The following INVS variants were observed in gnomAD, a reference collection of about 807,000 sequenced individuals.
INVS encodes the protein inversion of embryo turning homolog.
Under a neutral mutation model 108.8 loss-of-function variants are expected in INVS, and 86 were observed. That is an observed-to-expected ratio of 0.79 (90% CI 0.66 to 0.95). The LOEUF is 0.95. Among genes scored for constraint, INVS ranks in the 40% least tolerant of loss-of-function variants. INVS has a pLI of 0.00. For synonymous variants in INVS, 455 were observed against 473.5 expected (o/e 0.96, Z 0.51); for missense variants, 1,169 against 1,297.4 (o/e 0.90, Z 1.52).
chr9:100,285,787 A>C (rs912895247), intron 13 of INVS, among the ~76,000 whole-genome samples: 5 of 152,306 alleles, frequency 3.3e-5, no homozygotes, highest in African/African-American at 1.2e-4. Context: ...AGTCACATAG[A>C]TACCCTCTGC....
intron 2 of INVS, among the ~76,000 whole-genome samples, chr9:100,113,513 C>A (rs1219992688): frequency 6.6e-6 from 1 of 152,166 alleles, no homozygotes; most frequent in Non-Finnish European, 1.5e-5. Context: ...AAAACAGTAG[C>A]TTAGTTTCAT....
intron 12 of INVS, among the ~76,000 whole-genome samples, chr9:100,274,823 A>G (rs1340585111): frequency 1.3e-5 from 2 of 152,166 alleles, no homozygotes; most frequent in Non-Finnish European, 2.9e-5. Context: ...TTCTTGAAAG[A>G]TAACTTCCTG....
chr9:100,242,647 C>T lies in INVS; in HGVS notation c.874C>T (p.Pro292Ser), dbSNP rs963213775. 6.2e-7 allele frequency: 1 copy of T among 1,609,444 alleles called. No individual in the cohort carries two copies. The highest frequency in any genetic ancestry group is 8.5e-7 in the Non-Finnish European group (1 of 1,175,866). Residue 292 changes from proline (P) to serine (S), a missense_variant, in exon 7 of 17, where the codon CCT becomes TCT. Physicochemically the swap from Pro to Ser is moderately conservative, Grantham distance 74. Coordinates refer to ENST00000262457, the MANE Select transcript of INVS (RefSeq NM_014425.5). ...TIPSDSQGATPLHYAAQSNFA... is the reference protein window; with the variant it reads ...TIPSDSQGATSLHYAAQSNFA... ...CCCATCTGACAGCCAAGGAGCCACA[C>T]CTTTGCACTATGCTGCTCAGAGTAA...
chr9:100,279,529 G>A (rs1332976823), intron 12 of INVS, among the ~76,000 whole-genome samples: 1 of 152,086 alleles, frequency 6.6e-6, no homozygotes, highest in Non-Finnish European at 1.5e-5. Flanking sequence ...ATTCAATAAC[G>A]CTCTTCCTAT....
rs780090630 is a variant in INVS, at chr9:100,154,331, A to ATTTTTTTTTTTTTTTTT, written c.273+27794_273+27810dup. Among the ~76,000 whole-genome samples the ATTTTTTTTTTTTTTTTT allele has an allele frequency of 4.5e-3, 311 of 68,560 alleles. 16 individuals are homozygous for ATTTTTTTTTTTTTTTTT. Among genetic ancestry groups the ATTTTTTTTTTTTTTTTT allele is most frequent in the Middle Eastern group, 0.017 (2 of 120 alleles). 45.0% of individuals were successfully genotyped at this position (68,560 alleles called of 152,430 possible). ...AGGTGTGTGCCACCACAACCGACTAATTTTTTTTTTTTTTTTTTTTTTTTT... is the reference window on the plus strand; with the variant it reads ...AGGTGTGTGCCACCACAACCGACTAATTTTTTTTTTTTTTTTTTTTTTTTTTTTTTTTTTTTTTTTTT... On this transcript the variant is annotated intron_variant, in intron 3 of 16. Transcript: ENST00000262457.
chr9:100,252,966 C>G lies in INVS; in HGVS notation c.1294C>G (p.Leu432Val). 1 of 1,613,876 alleles carries G rather than the reference C, an allele frequency of 6.2e-7. No individual in the cohort carries two copies. Among genetic ancestry groups the G allele is most frequent in the Non-Finnish European group, 8.5e-7 (1 of 1,179,872 alleles). ...DGHSLLHWAA[L>V]GGNADVCQIL... ...ACATTCTCTTCTACATTGGGCAGCACTGGGAGGAAATGCTGATGTTTGCCA... is the reference window on the plus strand; with the variant it reads ...ACATTCTCTTCTACATTGGGCAGCAGTGGGAGGAAATGCTGATGTTTGCCA... The change falls in exon 10 of 17, where the codon CTG becomes GTG. Residue 432 changes from leucine to valine, a missense_variant. Coordinates refer to ENST00000262457, the MANE Select transcript of INVS (RefSeq NM_014425.5).
At chr9:100,139,754 T>A (rs748357207) in intron 3 of INVS, among the ~76,000 whole-genome samples, 2 of 152,186 alleles carry the variant, frequency 1.3e-5, no homozygotes, top group Non-Finnish European at 2.9e-5. Context: ...GTGATCCTCC[T>A]GCCTCAGCCC....
At chr9:100,128,925 C>T (rs1258987094) in intron 3 of INVS, among the ~76,000 whole-genome samples, 1 of 152,136 alleles carries the variant, frequency 6.6e-6, no homozygotes, top group Non-Finnish European at 1.5e-5. Context: ...TGGCTCACAC[C>T]TGTAATTTTA....
At chr9:100,148,735 T>A (rs191387407) in intron 3 of INVS, among the ~76,000 whole-genome samples, 1 of 152,230 alleles carries the variant, frequency 6.6e-6, no homozygotes, top group Non-Finnish European at 1.5e-5. Flanking sequence ...ATGAAGAATA[T>A]ATATTGTAAA....
intron 3 of INVS, among the ~76,000 whole-genome samples, chr9:100,162,217 A>T (rs1357729198): frequency 6.6e-6 from 1 of 152,204 alleles, no homozygotes; most frequent in Non-Finnish European, 1.5e-5. Context: ...CTCTATAGTC[A>T]TTTGGGTCCA....
chr9:100,232,393 T>C (rs1485474885), intron 5 of INVS, among the ~76,000 whole-genome samples: 2 of 152,194 alleles, frequency 1.3e-5, no homozygotes, highest in Admixed American at 6.5e-5. Context: ...TTTGTTGCCA[T>C]TGCTTTTGGT....
chr9:100,233,165 CTT>C (rs1380853729), intron 5 of INVS, among the ~76,000 whole-genome samples: 1 of 152,086 alleles, frequency 6.6e-6, no homozygotes, highest in Non-Finnish European at 1.5e-5. Context: ...ATGATTTGCT[CTT>C]TGTTTTTCTG....
At chr9:100,255,875 CTTTTTT>C (rs1223760908) in intron 10 of INVS, among the ~76,000 whole-genome samples, 1 of 152,098 alleles carries the variant, frequency 6.6e-6, no homozygotes, top group African/African-American at 2.4e-5. Flanking sequence ...CTAAAATTCT[CTTTTTT>C]TGTTGTGTCT....
chr9:100,281,204 G>A (rs1179753954), intron 12 of INVS, among the ~76,000 whole-genome samples: 2 of 152,196 alleles, frequency 1.3e-5, no homozygotes, highest in Non-Finnish European at 2.9e-5. Context: ...TAAAGCAGCT[G>A]CGTTCTATCT....
chr9:100,239,610 C>T (rs779587711), intron 5 of INVS, among the ~76,000 whole-genome samples: 5 of 152,030 alleles, frequency 3.3e-5, no homozygotes, highest in Non-Finnish European at 7.4e-5. Context: ...AGACTTTGTA[C>T]CTTTTCCATG....
At chr9:100,148,376 T>G (rs1828695604) in intron 3 of INVS, among the ~76,000 whole-genome samples, 1 of 152,124 alleles carries the variant, frequency 6.6e-6, no homozygotes, top group Non-Finnish European at 1.5e-5. Flanking sequence ...ATGCAAAAAT[T>G]TTAAGGTAAA....
At chr9:100,224,733 A>G (rs552834267) in intron 3 of INVS, among the ~76,000 whole-genome samples, 1 of 151,888 alleles carries the variant, frequency 6.6e-6, no homozygotes, top group East Asian at 1.9e-4. Flanking sequence ...TCTCTGCCTC[A>G]GCCTCCCGAG....
chr9:100,233,866 A>C (rs985805022), intron 5 of INVS, among the ~76,000 whole-genome samples: 2 of 152,202 alleles, frequency 1.3e-5, no homozygotes, highest in African/African-American at 4.8e-5. Context: ...TTTTGGTGTC[A>C]GGATGATGCT....
At position 100,226,109 on chromosome 9, in the gene INVS, G is replaced by A; in HGVS notation, c.321G>A (p.Trp107Ter). Reference sequence around the variant, plus strand: ...TCTTACTTACACGCAGAGCAAACTGGATGCAAAAGGATCTGGAAGAGATGA... The same window carrying A: ...TCTTACTTACACGCAGAGCAAACTGAATGCAAAAGGATCTGGAAGAGATGA... ...MKLLLTRRAN[W>*]MQKDLEEMTP... The change falls in exon 4 of 17, where the codon TGG becomes TGA. Residue 107 changes from tryptophan to a stop codon, truncating the protein, a stop_gained. Transcript: ENST00000262457. LOFTEE classifies it high-confidence loss of function. The A allele has an allele frequency of 4.3e-6, 7 of 1,613,724 alleles. No individual in the cohort carries two copies. Among genetic ancestry groups the A allele is most frequent in the Non-Finnish European group, 5.9e-6 (7 of 1,179,840 alleles).
Sources: allele counts gnomAD v4.1 joint callset (sites outside exome capture counted in the v4.1 genomes callset), GRCh38; gene constraint gnomAD v4.1.1; transcripts MANE v1.5; gene names NCBI Gene and HGNC (gene_info 2026-07-23, HGNC 2026-07-21).